The following RABEP1 variants were observed in gnomAD, a reference collection of about 807,000 sequenced individuals.
RABEP1 encodes the protein rabaptin, RAB GTPase binding effector protein 1.
Under a neutral mutation model 123.4 loss-of-function variants are expected in RABEP1, and 51 were observed. The ratio of observed to expected loss-of-function variants is 0.41; its 90% CI spans 0.33 to 0.52. The LOEUF (loss-of-function observed/expected upper bound fraction) is 0.52, where lower values mean the gene tolerates loss of function less well. RABEP1 is among the 20% of genes least tolerant of loss of function. RABEP1 has a pLI of 0.16. For synonymous variants in RABEP1, 347 were observed against 355.2 expected, an observed-to-expected ratio of 0.98 and a Z score of 0.26; for missense variants, 888 against 996.3, an observed-to-expected ratio of 0.89 and a Z score of 1.46.
intron 12 of RABEP1, among the ~76,000 whole-genome samples, chr17:5,370,966 T>TC (rs1491570283): frequency 1.9e-5 from 2 of 106,690 alleles, no homozygotes; most frequent in African/African-American, 5.0e-5. Flanking sequence ...TTTGTTTCTC[T>TC]TTTTTTTTTT....
chr17:5,286,753 A>C (rs922406419), intron 1 of RABEP1, among the ~76,000 whole-genome samples: 2 of 152,226 alleles, frequency 1.3e-5, no homozygotes, highest in African/African-American at 4.8e-5. Flanking sequence ...ATAGATAATA[A>C]ATAACCCTGC....
At chr17:5,360,591 A>T (rs953216850) in intron 8 of RABEP1, among the ~76,000 whole-genome samples, 1 of 152,144 alleles carries the variant, frequency 6.6e-6, no homozygotes, top group Admixed American at 6.5e-5. Flanking sequence ...CGTTCTCGTC[A>T]TTTCCTTTCC....
At chr17:5,308,865 C>T in intron 2 of RABEP1, 43 bp downstream of exon 2, 1 of 1,516,666 alleles carries the variant, frequency 6.6e-7, no homozygotes, top group African/African-American at 1.4e-5. Context: ...CGAAAACTGC[C>T]TTAAAGTGTT....
At chr17:5,342,607 C>T (rs532473376) in intron 5 of RABEP1, among the ~76,000 whole-genome samples, 25 of 152,178 alleles carry the variant, frequency 1.6e-4, no homozygotes, top group African/African-American at 6.0e-4. Flanking sequence ...CTCTGTCTCA[C>T]ACACACACAG....
chr17:5,349,933 T>C (rs1470849852), intron 6 of RABEP1, among the ~76,000 whole-genome samples: 1 of 152,182 alleles, frequency 6.6e-6, no homozygotes, highest in Non-Finnish European at 1.5e-5. Context: ...AGAACAGAAA[T>C]CTTTCTTTGC....
intron 2 of RABEP1, among the ~76,000 whole-genome samples, chr17:5,316,240 C>T (rs941526241): frequency 6.6e-6 from 1 of 151,832 alleles, no homozygotes; most frequent in Non-Finnish European, 1.5e-5. Context: ...TGCCTGAGTT[C>T]AGGAGTTTGA....
chr17:5,335,078 C>G, intron 3 of RABEP1, 106 bp from the exon 4 acceptor site: 5 of 903,742 alleles, frequency 5.5e-6, no homozygotes, highest in Non-Finnish European at 8.1e-6. Context: ...TAAACATTTT[C>G]CAGAAATTAG....
At position 5,383,636 on chromosome 17, in the gene RABEP1, T is replaced by G. The variant is rs2144745976; in HGVS notation, c.*413T>G. On this transcript the variant is annotated 3_prime_UTR_variant, in exon 18 of 18. Transcript: ENST00000537505. ...TGCTTTATCTGTTGTCTAGAGCTCATCAGTAACAGTATTCAGTTAGCAGAC... is the reference window on the plus strand; with the variant it reads ...TGCTTTATCTGTTGTCTAGAGCTCAGCAGTAACAGTATTCAGTTAGCAGAC... 1 of 247,878 alleles carries G rather than the reference T, an allele frequency of 4.0e-6. No homozygotes were observed. The highest frequency in any genetic ancestry group is 5.8e-5 in the East Asian group (1 of 17,350). The allele number at this position is 247,878 out of a possible 1,614,324, so 15.4% of individuals were successfully genotyped here.
chr17:5,294,289 CAGG>C (rs2075059831), intron 1 of RABEP1, among the ~76,000 whole-genome samples: 1 of 152,102 alleles, frequency 6.6e-6, no homozygotes, highest in African/African-American at 2.4e-5. Context: ...GAGGCTGAGG[CAGG>C]AGAACTGCTT....
At chr17:5,366,414 G>A (rs1417327337) in intron 11 of RABEP1, among the ~76,000 whole-genome samples, 2 of 152,042 alleles carry the variant, frequency 1.3e-5, no homozygotes, top group African/African-American at 4.8e-5. Context: ...TTGGTGATAG[G>A]TGTTGCAGGT....
chr17:5,324,238 A>C (rs1905739170), intron 2 of RABEP1, among the ~76,000 whole-genome samples: 1 of 152,210 alleles, frequency 6.6e-6, no homozygotes, highest in Non-Finnish European at 1.5e-5. Flanking sequence ...AAAAACTGAC[A>C]CGTAGACTAA....
At chr17:5,294,633 C>CTTGTTTTTTT (rs2075063715) in intron 1 of RABEP1, among the ~76,000 whole-genome samples, 1 of 53,024 alleles carries the variant, frequency 1.9e-5, no homozygotes, top group Non-Finnish European at 3.4e-5. Context: ...ACGGTATTGT[C>CTTGTTTTTTT]TTTTTTTTTT....
intron 1 of RABEP1, among the ~76,000 whole-genome samples, chr17:5,298,648 C>T (rs1412336517): frequency 2.1e-5 from 3 of 141,396 alleles, no homozygotes; most frequent in Non-Finnish European, 4.5e-5. Context: ...ACTCCCACCT[C>T]CTCCAGGATT....
intron 1 of RABEP1, among the ~76,000 whole-genome samples, chr17:5,307,376 G>A (rs986839075): frequency 2.9e-4 from 44 of 152,300 alleles, no homozygotes; most frequent in African/African-American, 1.1e-3. Flanking sequence ...TAAATCATTG[G>A]TACATTTTTT....
chr17:5,382,505 A>C (rs187970486), intron 17 of RABEP1, among the ~76,000 whole-genome samples: 1 of 150,392 alleles, frequency 6.6e-6, no homozygotes, highest in Non-Finnish European at 1.5e-5. Context: ...TCCCAGCAGT[A>C]TGGGAGGCTG....
At chr17:5,353,378 C>G (rs1908732653) in intron 7 of RABEP1, among the ~76,000 whole-genome samples, 1 of 152,162 alleles carries the variant, frequency 6.6e-6, no homozygotes, top group Admixed American at 6.6e-5. Flanking sequence ...TCTTTAGAAC[C>G]TTGTACATAC....
At chr17:5,379,978 CTT>C (rs1911315967) in intron 15 of RABEP1, among the ~76,000 whole-genome samples, 1 of 152,204 alleles carries the variant, frequency 6.6e-6, no homozygotes, top group Admixed American at 6.5e-5. Context: ...TCCATTCCCT[CTT>C]ATTGGAGTAT....
At chr17:5,367,341 G>A (rs560076286) in intron 11 of RABEP1, among the ~76,000 whole-genome samples, 30 of 151,514 alleles carry the variant, frequency 2.0e-4, no homozygotes, top group East Asian at 1.2e-3. Flanking sequence ...GCACGATCTT[G>A]GCTCACTGCA....
intron 1 of RABEP1, among the ~76,000 whole-genome samples, chr17:5,286,659 C>T (rs1250541041): frequency 6.6e-6 from 1 of 152,128 alleles, no homozygotes; most frequent in Non-Finnish European, 1.5e-5. Flanking sequence ...TATAGACACA[C>T]ACAAAACTAT....
Sources: gnomAD v4.1 joint callset for allele counts (sites outside exome capture counted in the v4.1 genomes callset) on GRCh38, gnomAD v4.1.1 for gene constraint, MANE v1.5 for transcripts, NCBI Gene and HGNC (gene_info 2026-07-23, HGNC 2026-07-21) for gene names.